IPMK: variants seen among roughly 807,000 people sequenced by gnomAD.
IPMK encodes inositol polyphosphate multikinase.
IPMK carries 17 observed loss-of-function variants against 45.8 expected under a neutral mutation model. The ratio of observed to expected loss-of-function variants is 0.37; its 90% confidence interval spans 0.25 to 0.56. The LOEUF (loss-of-function observed/expected upper bound fraction) is 0.56, where lower values mean the gene tolerates loss of function less well. Ranked by LOEUF, IPMK falls within the 20% of genes least tolerant of loss-of-function variation. The pLI is 0.79. For missense variants in IPMK, 399 were observed against 498.0 expected (o/e 0.80, Z 1.89); for synonymous variants, 180 against 184.3 (o/e 0.98, Z 0.19).
chr10:58,237,702 C>G, intron 2 of IPMK, 27 bp downstream of exon 2: 1 of 1,554,468 alleles, frequency 6.4e-7, no homozygotes, highest in Admixed American at 1.7e-5. Context: ...ACTTTGAAGA[C>G]AACAAAACAA....
chr10:58,197,072 G>A lies in IPMK; in HGVS notation c.629-374C>T, dbSNP rs547759112. 1.3e-3 allele frequency among the ~76,000 whole-genome samples: 199 copies of A among 152,106 alleles called. 1 individual carries two copies. The highest frequency in any genetic ancestry group is 2.4e-3 in the Non-Finnish European group (165 of 67,984). ...TCCCAGCACTTTGGGAGGCCAAGGC[G>A]GGCGGATCACGAGGTCAGGAGATCC... On this transcript the variant is annotated intron_variant, in intron 5 of 5. Coordinates refer to ENST00000373935, the MANE Select transcript of IPMK (RefSeq NM_152230.5).
chr10:58,231,349 G>C (rs1455445916), intron 2 of IPMK, among the ~76,000 whole-genome samples: 1 of 152,160 alleles, frequency 6.6e-6, no homozygotes, highest in East Asian at 1.9e-4. Context: ...TACTCCTCGA[G>C]AAGAGCAACC....
At chr10:58,263,520 T>C (rs1177753715) in intron 1 of IPMK, among the ~76,000 whole-genome samples, 1 of 125,522 alleles carries the variant, frequency 8.0e-6, no homozygotes, top group Non-Finnish European at 1.6e-5. Context: ...CAAGACTCCG[T>C]TAAAAAAAAA....
At chr10:58,247,563 C>A (rs558667241) in intron 1 of IPMK, among the ~76,000 whole-genome samples, 25 of 152,000 alleles carry the variant, frequency 1.6e-4, no homozygotes, top group African/African-American at 5.8e-4. Flanking sequence ...GAACAAAAAA[C>A]CAAACACCAC....
At chr10:58,255,705 G>C (rs1408346991) in intron 1 of IPMK, among the ~76,000 whole-genome samples, 1 of 151,162 alleles carries the variant, frequency 6.6e-6, no homozygotes, top group African/African-American at 2.4e-5. Context: ...ACATATATTG[G>C]CCAGGTGTGG....
At chr10:58,216,391 A>T in intron 3 of IPMK, 74 bp from the exon 4 acceptor site, 1 of 635,748 alleles carries the variant, frequency 1.6e-6, no homozygotes, top group Non-Finnish European at 2.4e-6. Flanking sequence ...GGGAAAAACA[A>T]GATGAGAAAA....
chr10:58,217,069 G>A (rs950703584), intron 3 of IPMK, among the ~76,000 whole-genome samples: 4 of 150,696 alleles, frequency 2.7e-5, no homozygotes, highest in East Asian at 2.0e-4. Context: ...GCCTGGTCTC[G>A]AACTTCTGGC....
rs1837822842 is a variant in IPMK, at chr10:58,191,825, C to A, written c.*4251G>T. ...GTCACTAATAACACAATTTTAGGTG[C>A]AATTTCACATGCTTTCATAAATCTT... is the stretch of plus-strand genomic sequence containing the variant. On this transcript the variant is annotated 3_prime_UTR_variant, in exon 6 of 6. Transcript: ENST00000373935. 6.6e-6 allele frequency: 1 copy of A among 152,214 alleles called. No individual in the cohort carries two copies. The highest frequency in any genetic ancestry group is 1.5e-5 in the Non-Finnish European group (1 of 67,936). The allele number at this position is 152,214 out of a possible 1,614,324, so 9.4% of individuals were successfully genotyped here. A position where few individuals can be genotyped will look rare whatever the true frequency, so the allele number is the denominator to read the frequency against.
chr10:58,260,912 G>C (rs1369419798), intron 1 of IPMK, among the ~76,000 whole-genome samples: 1 of 152,064 alleles, frequency 6.6e-6, no homozygotes, highest in Non-Finnish European at 1.5e-5. Context: ...GAAAAGTAAT[G>C]AGTTGATTTA....
intron 4 of IPMK, among the ~76,000 whole-genome samples, chr10:58,206,354 G>C (rs1253394073): frequency 6.6e-6 from 1 of 152,160 alleles, no homozygotes; most frequent in Admixed American, 6.5e-5. Context: ...TGCAGAAGTG[G>C]TAAAAAATAC....
chr10:58,257,223 G>A (rs186001328), intron 1 of IPMK, among the ~76,000 whole-genome samples: 49 of 152,220 alleles, frequency 3.2e-4, no homozygotes, highest in Middle Eastern at 3.4e-3. Context: ...AGCCAGGCCC[G>A]GTGGCTCACA....
At chr10:58,207,384 G>A (rs1838086685) in intron 4 of IPMK, among the ~76,000 whole-genome samples, 1 of 152,230 alleles carries the variant, frequency 6.6e-6, no homozygotes, top group African/African-American at 2.4e-5. Flanking sequence ...ATATGCAAGT[G>A]TCTTTTTCAT....
chr10:58,204,366 G>A lies in IPMK; in HGVS notation c.547-5045C>T, dbSNP rs538149602. On this transcript the variant is annotated intron_variant, in intron 4 of 5. Transcript: ENST00000373935. ...AGGACAGAATGATAAGCAAAAGCAA[G>A]CTCCAGCTTTTCCTCGTACGTCACC... is the stretch of plus-strand genomic sequence containing the variant. Among the ~76,000 whole-genome samples, 9 of 152,212 alleles carry A rather than the reference G, an allele frequency of 5.9e-5. No individual in the cohort carries two copies. The East Asian group carries it at 1.5e-3, about 26-fold the overall frequency.
At chr10:58,225,592 T>C (rs375578258) in intron 3 of IPMK, among the ~76,000 whole-genome samples, 6 of 152,318 alleles carry the variant, frequency 3.9e-5, no homozygotes, top group South Asian at 4.1e-4. Context: ...CTGTATTTGC[T>C]AGTTATTCTA....
At chr10:58,250,011 T>C (rs899912131) in intron 1 of IPMK, among the ~76,000 whole-genome samples, 1 of 152,234 alleles carries the variant, frequency 6.6e-6, no homozygotes, top group Non-Finnish European at 1.5e-5. Flanking sequence ...AGTGAATTTA[T>C]TTCCAGTTCA....
intron 4 of IPMK, among the ~76,000 whole-genome samples, chr10:58,205,354 GA>G (rs1380262267): frequency 2.0e-5 from 3 of 152,068 alleles, no homozygotes; most frequent in African/African-American, 7.2e-5. Flanking sequence ...CAAAATGTCT[GA>G]ATAGACATTT....
chr10:58,198,301 T>A (rs1197341007), intron 5 of IPMK, among the ~76,000 whole-genome samples: 1 of 152,220 alleles, frequency 6.6e-6, no homozygotes, highest in Non-Finnish European at 1.5e-5. Flanking sequence ...TGTTTTAACC[T>A]ATCAGATTAT....
intron 1 of IPMK, among the ~76,000 whole-genome samples, chr10:58,241,332 T>C (rs1054609225): frequency 2.0e-5 from 3 of 152,018 alleles, no homozygotes; most frequent in African/African-American, 7.3e-5. Flanking sequence ...TATCACCAAG[T>C]AAAAAATAAT....
intron 1 of IPMK, among the ~76,000 whole-genome samples, chr10:58,239,179 C>T (rs1245344701): frequency 1.3e-5 from 2 of 151,986 alleles, no homozygotes; most frequent in East Asian, 1.9e-4. Context: ...TTTAAAAAGG[C>T]CTAGATATAG....
Sources: allele counts gnomAD v4.1 joint callset (sites outside exome capture counted in the v4.1 genomes callset), GRCh38; gene constraint gnomAD v4.1.1; transcripts MANE v1.5; gene names NCBI Gene and HGNC (gene_info 2026-07-23, HGNC 2026-07-21).